The following PSMA1 variants were observed in gnomAD, a reference collection of about 807,000 sequenced individuals.
The protein encoded by PSMA1 is proteasome subunit alpha type-1.
Under a neutral mutation model 38.4 loss-of-function variants are expected in PSMA1, and 3 were observed. That is an observed-to-expected ratio of 0.08 (90% CI 0.04 to 0.20). The LOEUF (loss-of-function observed/expected upper bound fraction) is 0.20. Ranked by LOEUF, PSMA1 falls within the 10% of genes least tolerant of loss-of-function variation. The pLI, the probability that PSMA1 is intolerant of heterozygous loss-of-function variation, is 1.00. For missense variants in PSMA1, 227 were observed against 325.3 expected (o/e 0.70, Z 2.32); for synonymous variants, 101 against 107.1 (o/e 0.94, Z 0.35).
At chr11:14,530,168 T>C (rs185486095) in intron 2 of PSMA1, among the ~76,000 whole-genome samples, 1 of 151,874 alleles carries the variant, frequency 6.6e-6, no homozygotes, top group East Asian at 1.9e-4. Context: ...GGTGTAGGGA[T>C]CATATATCAA....
chr11:14,509,713 G>GTTTTTTT (rs34597306), intron 8 of PSMA1, among the ~76,000 whole-genome samples: 1 of 109,952 alleles, frequency 9.1e-6, no homozygotes, highest in Non-Finnish European at 1.9e-5. Context: ...CAAACCGGTT[G>GTTTTTTT]TTTTTTTTTT....
At chr11:14,643,162 C>T (rs1241061984) in intron 1 of PSMA1, among the ~76,000 whole-genome samples, 1 of 151,564 alleles carries the variant, frequency 6.6e-6, no homozygotes, top group Non-Finnish European at 1.5e-5. Flanking sequence ...CTAAGAGCCA[C>T]TGCAAGGATC....
At chr11:14,602,996 T>C (rs1387911112) in intron 2 of PSMA1, among the ~76,000 whole-genome samples, 1 of 152,166 alleles carries the variant, frequency 6.6e-6, no homozygotes, top group Non-Finnish European at 1.5e-5. Context: ...GGGTTTGATG[T>C]GGGGGCTTCC....
intron 2 of PSMA1, among the ~76,000 whole-genome samples, chr11:14,594,338 A>G (rs566806004): frequency 8.0e-5 from 12 of 150,492 alleles, no homozygotes; most frequent in Non-Finnish European, 1.8e-4. Context: ...GAGCACTACA[A>G]CAGTGGGAAG....
At chr11:14,635,784 GT>G in intron 1 of PSMA1, among the ~76,000 whole-genome samples, 1 of 152,190 alleles carries the variant, frequency 6.6e-6, no homozygotes, top group African/African-American at 2.4e-5. Flanking sequence ...GATAATAACT[GT>G]TTAGTTATTT....
intron 2 of PSMA1, among the ~76,000 whole-genome samples, chr11:14,607,990 A>C (rs1157987297): frequency 6.6e-6 from 1 of 152,168 alleles, no homozygotes; most frequent in African/African-American, 2.4e-5. Context: ...CATGGATGTA[A>C]CATGTATATA....
At chr11:14,585,591 C>A (rs1852334787) in intron 2 of PSMA1, among the ~76,000 whole-genome samples, 2 of 152,352 alleles carry the variant, frequency 1.3e-5, no homozygotes, top group South Asian at 4.1e-4. Context: ...GCCTCTTTCA[C>A]ATGCAGTTGA....
At chr11:14,536,185 A>G (rs1056797133) in intron 2 of PSMA1, among the ~76,000 whole-genome samples, 1 of 152,178 alleles carries the variant, frequency 6.6e-6, no homozygotes, top group African/African-American at 2.4e-5. Flanking sequence ...TACTAACAAT[A>G]ATAACTGTTA....
intron 2 of PSMA1, among the ~76,000 whole-genome samples, chr11:14,577,040 CAACTGT>C (rs1202056686): frequency 6.6e-6 from 1 of 152,182 alleles, no homozygotes; most frequent in Non-Finnish European, 1.5e-5. Flanking sequence ...CTCTTTGAAG[CAACTGT>C]AAATGGCAGT....
chr11:14,633,308 G>A (rs900487391), intron 1 of PSMA1, among the ~76,000 whole-genome samples: 9 of 152,148 alleles, frequency 5.9e-5, no homozygotes, highest in Admixed American at 1.3e-4. Context: ...ATGTACAGAT[G>A]GGTTTTTGGT....
At chr11:14,631,760 T>C (rs574891200) in intron 1 of PSMA1, among the ~76,000 whole-genome samples, 8 of 152,176 alleles carry the variant, frequency 5.3e-5, no homozygotes, top group Non-Finnish European at 1.0e-4. Context: ...AATGTTGACA[T>C]TGGGGTGTTA....
intron 2 of PSMA1, among the ~76,000 whole-genome samples, chr11:14,569,696 A>C (rs1852115317): frequency 6.6e-6 from 1 of 152,202 alleles, no homozygotes; most frequent in Non-Finnish European, 1.5e-5. Flanking sequence ...TGAGTAGGCA[A>C]ACAAAGCAGC....
Position 14,565,137 on chromosome 11 carries a change from G to A in PSMA1, c.21+45829C>T, listed in dbSNP as rs111848552. ...GGTGACTTGTGGTTGCATTTTTCAA[G>A]GAATTGCTCTATTTAAACTAAGTTG... is the stretch of plus-strand genomic sequence containing the variant. On this transcript the variant is annotated intron_variant, in intron 2 of 10. Transcript: ENST00000418988. 6.9e-3 allele frequency among the ~76,000 whole-genome samples: 1,055 copies of A among 152,178 alleles called. 9 individuals carry two copies. The highest frequency in any genetic ancestry group is 0.024 in the African/African-American group (1,009 of 41,516).
At chr11:14,569,298 C>A (rs760909992) in intron 2 of PSMA1, among the ~76,000 whole-genome samples, 2 of 152,084 alleles carry the variant, frequency 1.3e-5, no homozygotes, top group Non-Finnish European at 2.9e-5. Flanking sequence ...CCAGCATGAG[C>A]GACGCAGAAG....
At chr11:14,635,595 A>T (rs1163276292) in intron 1 of PSMA1, among the ~76,000 whole-genome samples, 1 of 152,210 alleles carries the variant, frequency 6.6e-6, no homozygotes, top group South Asian at 2.1e-4. Flanking sequence ...TAGTAGATCT[A>T]GTTGTTTGTT....
chr11:14,583,479 G>A (rs1427791079), intron 2 of PSMA1, among the ~76,000 whole-genome samples: 2 of 152,168 alleles, frequency 1.3e-5, no homozygotes, highest in Non-Finnish European at 2.9e-5. Context: ...CCTCCCATCT[G>A]GGCCAGCGCT....
intron 2 of PSMA1, among the ~76,000 whole-genome samples, chr11:14,561,718 G>A (rs945946194): frequency 4.6e-5 from 7 of 152,034 alleles, no homozygotes; most frequent in East Asian, 1.9e-4. Context: ...CATGCCCTGC[G>A]CTGTTTTTGG....
At chr11:14,557,368 G>A (rs1348882630) in intron 2 of PSMA1, among the ~76,000 whole-genome samples, 1 of 152,016 alleles carries the variant, frequency 6.6e-6, no homozygotes, top group African/African-American at 2.4e-5. Flanking sequence ...CTCCAGAGTA[G>A]CTGGGACTAC....
At position 14,505,230 on chromosome 11, in the gene PSMA1, C is replaced by G. The variant is rs759228621; in HGVS notation, c.754G>C (p.Glu252Gln). Residue 252 changes from glutamate (E) to glutamine (Q), a missense_variant, in exon 10 of 10, where the codon GAA (glutamate) becomes CAA (glutamine). Physicochemically the swap from Glu to Gln is conservative, Grantham distance 29. Transcript: ENST00000396394. ...RKAQPAQPAD[E>Q]PAEKADEPME... ...GGTTCATCAGCCTTTTCTGCAGGTT[C>G]ATCAGCAGGTTGAGCAGGCTTAACA... The G allele has an allele frequency of 3.1e-6, 5 of 1,613,706 alleles. No individual in the cohort carries two copies. The South Asian group carries it at 5.5e-5, about 18-fold the overall frequency.
Sources: allele counts gnomAD v4.1 joint callset (sites outside exome capture counted in the v4.1 genomes callset), GRCh38; gene constraint gnomAD v4.1.1; transcripts MANE v1.5; gene names NCBI Gene and HGNC (gene_info 2026-07-23, HGNC 2026-07-21).